RBFOX1: variants seen among roughly 807,000 people sequenced by gnomAD.
RBFOX1 encodes the protein RNA binding protein fox-1 homolog 1.
RBFOX1 carries 8 observed loss-of-function variants against 57.7 expected under a neutral mutation model. The observed-to-expected ratio is 0.14, with a 90% confidence interval of 0.08 to 0.25. The LOEUF (loss-of-function observed/expected upper bound fraction) is 0.25, where lower values mean the gene tolerates loss of function less well. Ranked by LOEUF, RBFOX1 falls within the 10% of genes least tolerant of loss-of-function variation. The pLI is 1.00. For missense variants in RBFOX1, 611 were observed against 548.5 expected (o/e 1.11, Z -1.14); for synonymous variants, 326 against 222.4 (o/e 1.47, Z -4.15).
intron 9 of RBFOX1, among the ~76,000 whole-genome samples, chr16:7,604,964 A>G (rs2095226727): frequency 6.6e-6 from 1 of 152,216 alleles, no homozygotes; most frequent in African/African-American, 2.4e-5. Context: ...CAGTGGAAAG[A>G]TGAAGAGTGA....
chr16:6,989,011 C>A (rs60151187), intron 3 of RBFOX1, among the ~76,000 whole-genome samples: 5,805 of 152,066 alleles, frequency 0.038, 383 homozygotes, highest in African/African-American at 0.13. Flanking sequence ...GATCCACCCC[C>A]CTCGGACTCC....
At chr16:7,315,014 A>G (rs1190448531) in intron 4 of RBFOX1, among the ~76,000 whole-genome samples, 2 of 152,132 alleles carry the variant, frequency 1.3e-5, no homozygotes, top group African/African-American at 4.8e-5. Context: ...TCCTAATTGG[A>G]AGAAAACAAA....
In RBFOX1 at chr16:7,454,376, TA is replaced by T. The variant is rs1186217186; in HGVS notation, c.28-63767del. ...TGACCAGTGTCTTGCCAGATTTTCTTAAAACTGTACCATATCAAAGGCAGAT... is the reference window on the plus strand; with the variant it reads ...TGACCAGTGTCTTGCCAGATTTTCTTAAACTGTACCATATCAAAGGCAGAT... On this transcript the variant is annotated intron_variant, in intron 4 of 15. Transcript: ENST00000550418. 1.2e-3 allele frequency among the ~76,000 whole-genome samples: 190 copies of T among 152,292 alleles called. 2 individuals carry two copies. Among genetic ancestry groups the T allele is most frequent in the African/African-American group, 4.0e-3 (165 of 41,552 alleles).
At chr16:6,972,165 T>TA (rs2085712605) in intron 3 of RBFOX1, among the ~76,000 whole-genome samples, 1 of 152,062 alleles carries the variant, frequency 6.6e-6, no homozygotes, top group Non-Finnish European at 1.5e-5. Flanking sequence ...GTGTTCAGTA[T>TA]ATTCACGTTG....
chr16:6,250,244 C>T (rs2097597893), intron 1 of RBFOX1, among the ~76,000 whole-genome samples: 1 of 151,988 alleles, frequency 6.6e-6, no homozygotes, highest in African/African-American at 2.4e-5. Context: ...GTTTCTAGTC[C>T]TGTGTCAAAC....
intron 4 of RBFOX1, among the ~76,000 whole-genome samples, chr16:7,158,326 A>T (rs1020934426): frequency 1.3e-5 from 2 of 152,188 alleles, no homozygotes; most frequent in African/African-American, 4.8e-5. Context: ...ACCCTGGTCA[A>T]CAAGAGTGAA....
At chr16:7,211,190 G>C (rs554523207) in intron 4 of RBFOX1, among the ~76,000 whole-genome samples, 2 of 151,638 alleles carry the variant, frequency 1.3e-5, no homozygotes, top group East Asian at 3.9e-4. Context: ...AGGAGATCAA[G>C]ACTGTCCTGG....
chr16:5,966,970 A>G (rs936912862), intron 4 of RBFOX1, among the ~76,000 whole-genome samples: 2 of 108,748 alleles, frequency 1.8e-5, no homozygotes, highest in African/African-American at 3.6e-5. Flanking sequence ...GACCTACTTA[A>G]TTGTCTTTCT....
At chr16:5,389,001 C>T (rs1452981088) in intron 1 of RBFOX1, among the ~76,000 whole-genome samples, 1 of 151,472 alleles carries the variant, frequency 6.6e-6, no homozygotes, top group Non-Finnish European at 1.5e-5. Flanking sequence ...ACCATCTTGG[C>T]TAACACGGTG....
At chr16:6,744,525 T>C (rs2073103586) in intron 3 of RBFOX1, among the ~76,000 whole-genome samples, 1 of 151,828 alleles carries the variant, frequency 6.6e-6, no homozygotes, top group Non-Finnish European at 1.5e-5. Flanking sequence ...AAACTAGAAA[T>C]AAATGACAGA....
intron 2 of RBFOX1, among the ~76,000 whole-genome samples, chr16:5,581,565 G>A (rs1031251277): frequency 1.3e-5 from 2 of 152,198 alleles, no homozygotes; most frequent in African/African-American, 4.8e-5. Flanking sequence ...TGCTGCAAGA[G>A]CATGTTACAG....
At chr16:7,095,146 C>G (rs998962311) in intron 4 of RBFOX1, among the ~76,000 whole-genome samples, 6 of 152,248 alleles carry the variant, frequency 3.9e-5, no homozygotes, top group East Asian at 1.9e-4. Context: ...GAGACCCACT[C>G]TGTTGCCCAG....
chr16:6,546,416 G>A (rs1248850473), intron 2 of RBFOX1, among the ~76,000 whole-genome samples: 1 of 152,158 alleles, frequency 6.6e-6, no homozygotes, highest in African/African-American at 2.4e-5. Flanking sequence ...CCAAAGTCAG[G>A]GTGTCAGCTG....
intron 1 of RBFOX1, among the ~76,000 whole-genome samples, chr16:6,230,809 C>G (rs1235200507): frequency 1.3e-5 from 2 of 152,164 alleles, no homozygotes; most frequent in Non-Finnish European, 2.9e-5. Context: ...ACGCATAGTA[C>G]AAAGAGATGG....
chr16:7,130,651 C>T (rs74009053), intron 4 of RBFOX1, among the ~76,000 whole-genome samples: 1,884 of 152,292 alleles, frequency 0.012, 47 homozygotes, highest in African/African-American at 0.043. Context: ...ATGACATCTC[C>T]AGTGCCTTTT....
chr16:5,990,277 C>T (rs745963328), intron 4 of RBFOX1, among the ~76,000 whole-genome samples: 1 of 152,126 alleles, frequency 6.6e-6, no homozygotes, highest in Non-Finnish European at 1.5e-5. Context: ...AGGCATGAGC[C>T]CACTGTACCC....
At chr16:6,036,111 G>C (rs1398460603) in intron 1 of RBFOX1, among the ~76,000 whole-genome samples, 2 of 152,190 alleles carry the variant, frequency 1.3e-5, no homozygotes, top group African/African-American at 4.8e-5. Context: ...AGCCACCTGA[G>C]GGTGACACAA....
At chr16:6,514,604 C>T (rs1252213987) in intron 2 of RBFOX1, among the ~76,000 whole-genome samples, 1 of 152,144 alleles carries the variant, frequency 6.6e-6, no homozygotes, top group Non-Finnish European at 1.5e-5. Context: ...TTCCCCTCAC[C>T]ACGCATTTGT....
intron 10 of RBFOX1, among the ~76,000 whole-genome samples, chr16:7,617,208 G>T (rs559220343): frequency 6.6e-6 from 1 of 152,262 alleles, no homozygotes; most frequent in African/African-American, 2.4e-5. Context: ...TAGTGTTTTT[G>T]ACTTTGTAAT....
Sources: allele counts gnomAD v4.1 joint callset (sites outside exome capture counted in the v4.1 genomes callset), GRCh38; gene constraint gnomAD v4.1.1; transcripts MANE v1.5; gene names NCBI Gene and HGNC (gene_info 2026-07-23, HGNC 2026-07-21).